The following PIK3C3 variants were observed in gnomAD, a reference collection of about 807,000 sequenced individuals.
PIK3C3 encodes phosphatidylinositol 3-kinase catalytic subunit type 3, also known as PI3-kinase type 3.
A neutral mutation model predicts 126.1 loss-of-function variants in PIK3C3; 95 were observed. The ratio of observed to expected loss-of-function variants is 0.75; its 90% CI spans 0.64 to 0.89. The LOEUF (loss-of-function observed/expected upper bound fraction) is 0.89, where lower values mean the gene tolerates loss of function less well. PIK3C3 is among the 40% of genes least tolerant of loss of function. PIK3C3 has a pLI of 0.00. For synonymous variants in PIK3C3, 374 were observed against 360.0 expected, an observed-to-expected ratio of 1.04 and a Z score of -0.44; for missense variants, 829 against 1,063.2, an observed-to-expected ratio of 0.78 and a Z score of 3.06.
In PIK3C3 at chr18:41,981,969, G is replaced by A. The variant is rs531509487; in HGVS notation, c.532-5843G>A. 3.0e-4 allele frequency among the ~76,000 whole-genome samples: 46 copies of A among 151,850 alleles called. 1 individual carries two copies. The South Asian group carries it at 4.4e-3, about 14-fold the overall frequency. On this transcript the variant is annotated intron_variant, in intron 4 of 24. Transcript: ENST00000262039. ...ACTGCACTCCAGTCTAGGCAACAGA[G>A]TGAGACCCTGTCTCAAAAAAAAAAA...
chr18:42,053,016 G>A (rs1446089112), intron 21 of PIK3C3: 1 of 152,128 alleles, frequency 6.6e-6, no homozygotes, highest in Non-Finnish European at 1.5e-5. Flanking sequence ...AGATTAAAGT[G>A]GTTTTGAATT....
intron 21 of PIK3C3, among the ~76,000 whole-genome samples, chr18:42,051,830 T>A (rs539120140): frequency 2.6e-4 from 40 of 152,232 alleles, no homozygotes; most frequent in African/African-American, 9.6e-4. Flanking sequence ...CAGATTGTAA[T>A]CATTTACAAC....
rs773293889 is a variant in PIK3C3, at chr18:42,049,973, TAG to T, written c.2263+370_2263+371del. 585 of 133,114 alleles carry T rather than the reference TAG, an allele frequency of 4.4e-3. 5 individuals carry two copies. Among genetic ancestry groups the T allele is most frequent in the African/African-American group, 0.015 (538 of 35,500 alleles). The allele number at this position is 133,114 out of a possible 1,614,324, so 8.2% of individuals were successfully genotyped here. A position where few individuals can be genotyped will look rare whatever the true frequency, so the allele number is the denominator to read the frequency against. On this transcript the variant is annotated intron_variant, in intron 21 of 24. Coordinates refer to ENST00000262039, the MANE Select transcript of PIK3C3 (RefSeq NM_002647.4). Reference sequence around the variant, plus strand: ...AGGCAACAAGATCAAAACGCCATCTTAGAAAAAAAAAAAAAAAAAGATGAGTT... The same window carrying T: ...AGGCAACAAGATCAAAACGCCATCTTAAAAAAAAAAAAAAAAAGATGAGTT...
chr18:41,995,887 TAGG>T lies in PIK3C3; in HGVS notation c.787_789del (p.Glu263del). 1 of 1,597,206 alleles carries T rather than the reference TAGG, an allele frequency of 6.3e-7. No homozygotes were observed. Among genetic ancestry groups the T allele is most frequent in the Non-Finnish European group, 8.6e-7 (1 of 1,165,268 alleles). On this transcript the variant is annotated splice_acceptor_variant and coding_sequence_variant, in exon 8 of 25. Coordinates refer to ENST00000262039, the MANE Select transcript of PIK3C3 (RefSeq NM_002647.4). LOFTEE classifies it high-confidence loss of function. ...ATTGTCAATATTTTAAAATAATTTG[TAGG>T]AGAATTTAGTTGAGAGCAAACACCA...
chr18:42,029,272 T>A, intron 14 of PIK3C3, 53 bp from the exon 15 acceptor site: 1 of 1,053,630 alleles, frequency 9.5e-7, no homozygotes, highest in Non-Finnish European at 1.5e-6. Context: ...GTTAAAGAAA[T>A]CCAGATCATT....
chr18:41,984,478 CTAAT>C, intron 4 of PIK3C3, among the ~76,000 whole-genome samples: 1 of 152,086 alleles, frequency 6.6e-6, no homozygotes, highest in Non-Finnish European at 1.5e-5. Flanking sequence ...TAATTAATAA[CTAAT>C]TATTTCACTT....
rs1286010020 is a variant in PIK3C3, at chr18:42,086,073, A to G, written c.*4936A>G. The G allele has an allele frequency of 6.6e-6, 1 of 152,102 alleles. No individual in the cohort carries two copies. Among genetic ancestry groups the G allele is most frequent in the Non-Finnish European group, 1.5e-5 (1 of 68,050 alleles). The allele number at this position is 152,102 out of a possible 1,614,324, so 9.4% of individuals were successfully genotyped here. Reference sequence around the variant, plus strand: ...GAGGCAGAGGTTGCAGTGAGCTGAGATTGCACCATTGCACTGCAGCCTGGG... The same window carrying G: ...GAGGCAGAGGTTGCAGTGAGCTGAGGTTGCACCATTGCACTGCAGCCTGGG... On this transcript the variant is annotated 3_prime_UTR_variant, in exon 25 of 25. Coordinates refer to ENST00000262039, the MANE Select transcript of PIK3C3 (RefSeq NM_002647.4).
chr18:42,041,373 C>T (rs967918473), intron 19 of PIK3C3, among the ~76,000 whole-genome samples: 1 of 152,000 alleles, frequency 6.6e-6, no homozygotes, highest in South Asian at 2.1e-4. Context: ...TGTTGCTCAT[C>T]TGTCTTTTGT....
chr18:42,079,946 AGTGTGTGTGT>A (rs6146278), intron 24 of PIK3C3, among the ~76,000 whole-genome samples: 1,608 of 137,212 alleles, frequency 0.012, 25 homozygotes, highest in African/African-American at 0.034. Context: ...CCAACTTTTG[AGTGTGTGTGT>A]GTGTGTGTGT....
intron 1 of PIK3C3, 67 bp downstream of exon 1, chr18:41,955,426 T>A (rs1289098862): frequency 7.3e-7 from 1 of 1,368,470 alleles, no homozygotes; most frequent in Admixed American, 1.8e-5. Context: ...AGGGGCCTGT[T>A]GGGAGTGAGA....
chr18:42,080,533 G>A (rs1463546852), intron 24 of PIK3C3, among the ~76,000 whole-genome samples: 1 of 152,160 alleles, frequency 6.6e-6, no homozygotes. Flanking sequence ...CACGAGTTAT[G>A]GATGACTCAG....
intron 4 of PIK3C3, among the ~76,000 whole-genome samples, chr18:41,979,064 T>TA (rs5824388): frequency 0.21 from 19,407 of 93,608 alleles, 2,723 homozygotes; most frequent in African/African-American, 0.4. Flanking sequence ...CCCCGTCTCT[T>TA]AAAAAAAAAA....
rs1378736216 is a variant in PIK3C3 at position 42,071,096 on chromosome 18, T to A, written c.2649+3583T>A. On this transcript the variant is annotated intron_variant, in intron 24 of 24. Coordinates refer to ENST00000262039, the MANE Select transcript of PIK3C3 (RefSeq NM_002647.4). Reference sequence around the variant, plus strand: ...CTTTTGGACTAGGATAGATTGTTGATAACCTTGATAATCAAAGTTACTGCC... The same window carrying A: ...CTTTTGGACTAGGATAGATTGTTGAAAACCTTGATAATCAAAGTTACTGCC... 2.0e-5 allele frequency among the ~76,000 whole-genome samples: 3 copies of A among 152,216 alleles called. No homozygotes were observed. In the East Asian group the frequency reaches 5.8e-4, roughly 29 times the overall value.
chr18:41,957,338 A>G (rs9966164), intron 1 of PIK3C3, among the ~76,000 whole-genome samples: 2,080 of 152,288 alleles, frequency 0.014, 52 homozygotes, highest in African/African-American at 0.046. Flanking sequence ...GATGGGACTG[A>G]TATTAGGTAT....
At chr18:42,038,550 A>C (rs556349007) in intron 17 of PIK3C3, among the ~76,000 whole-genome samples, 2 of 151,876 alleles carry the variant, frequency 1.3e-5, no homozygotes, top group South Asian at 4.2e-4. Flanking sequence ...CACCATGTTG[A>C]CCAGGCTGAT....
At chr18:42,040,645 A>G (rs1984270032) in intron 18 of PIK3C3, 32 bp from the exon 19 acceptor site, 3 of 1,462,602 alleles carry the variant, frequency 2.1e-6, no homozygotes, top group Non-Finnish European at 2.8e-6. Flanking sequence ...ACCAGTAGCT[A>G]TGCTTAATGC....
At chr18:42,031,935 C>T (rs905492705) in intron 15 of PIK3C3, among the ~76,000 whole-genome samples, 11 of 152,030 alleles carry the variant, frequency 7.2e-5, no homozygotes, top group South Asian at 4.2e-4. Flanking sequence ...ATCATATTCT[C>T]GTTGAAGAGA....
intron 4 of PIK3C3, among the ~76,000 whole-genome samples, chr18:41,984,293 G>A (rs1041266756): frequency 1.7e-4 from 26 of 151,998 alleles, no homozygotes; most frequent in Admixed American, 5.2e-4. Context: ...ATAGAAGTTC[G>A]TGGATTGGAG....
intron 24 of PIK3C3, among the ~76,000 whole-genome samples, chr18:42,075,017 CAT>C (rs1985921524): frequency 6.6e-6 from 1 of 152,130 alleles, no homozygotes; most frequent in Admixed American, 6.5e-5. Context: ...ATATGTAATT[CAT>C]ATAGTCTCCC....
Sources: allele counts gnomAD v4.1 joint callset (sites outside exome capture counted in the v4.1 genomes callset), GRCh38; gene constraint gnomAD v4.1.1; transcripts MANE v1.5; gene names NCBI Gene and HGNC (gene_info 2026-07-23, HGNC 2026-07-21).